The following LPCAT4 variants were observed in gnomAD, a reference collection of about 807,000 sequenced individuals.
LPCAT4 encodes lysophospholipid acyltransferase LPCAT4.
Under a neutral mutation model 66.5 loss-of-function variants are expected in LPCAT4, and 30 were observed. The observed-to-expected ratio is 0.45, with a 90% CI of 0.34 to 0.61. LPCAT4 has a LOEUF of 0.61. Ranked by LOEUF, LPCAT4 falls within the 20% of genes least tolerant of loss-of-function variation. The probability of loss-of-function intolerance (pLI) is 0.01; values close to 1 mark genes in which losing one functional copy is unlikely to be tolerated. For synonymous variants in LPCAT4, 253 were observed against 262.1 expected (o/e 0.97, Z 0.34); for missense variants, 557 against 656.7 (o/e 0.85, Z 1.66).
In LPCAT4 at chr15:34,361,428, A is replaced by G. The variant is rs1890939503; in HGVS notation, c.1115T>C (p.Val372Ala). ...CTGGAAGTAGCCAAAGGCACCAGCCACCGTCTGAGGATCAGAGAGCTGTAG... is the reference window on the plus strand; with the variant it reads ...CTGGAAGTAGCCAAAGGCACCAGCCGCCGTCTGAGGATCAGAGAGCTGTAG... The part of the protein sequence containing the change: ...RQLQLSDPQT[V>A]AGAFGYFQQD... The change falls in exon 11 of 14, where the codon GTG becomes GCG. Residue 372 changes from valine to alanine, a missense_variant. Val to Ala is a moderately conservative substitution (Grantham distance 64). Coordinates refer to ENST00000314891, the MANE Select transcript of LPCAT4 (RefSeq NM_153613.3). The G allele has an allele frequency of 1.9e-6, 3 of 1,614,180 alleles. No homozygotes were observed. The highest frequency in any genetic ancestry group is 2.5e-6 in the Non-Finnish European group (3 of 1,180,028).
At chr15:34,364,341 C>A in intron 3 of LPCAT4, 35 bp from the exon 4 acceptor site, 1 of 1,390,176 alleles carries the variant, frequency 7.2e-7, no homozygotes, top group Non-Finnish European at 1.0e-6. Context: ...GGAATCACTT[C>A]TTTCCTACCC....
intron 3 of LPCAT4, 148 bp from the exon 4 acceptor site, chr15:34,364,454 G>A (rs1049512843): frequency 1.2e-5 from 7 of 579,558 alleles, no homozygotes; most frequent in Admixed American, 6.4e-5. Flanking sequence ...ACAGAGTTTC[G>A]CTTTTGTTGC....
Position 34,363,996 on chromosome 15 carries a change from A to C in LPCAT4, c.652+17T>G. ...TTCTTTTTCCTACAGCCCACCACCC[A>C]CTATCATTTTATTCACCTGGTTTGA... On this transcript the variant is annotated intron_variant, in intron 5 of 13. Transcript: ENST00000314891. This position sits in a 1 kb window ranked among gnomAD's most constrained non-coding sequence, Gnocchi z 4.3. The C allele has an allele frequency of 6.2e-7, 1 of 1,607,964 alleles. No individual in the cohort carries two copies. Among genetic ancestry groups the C allele is most frequent in the South Asian group, 1.1e-5 (1 of 90,960 alleles).
intron 3 of LPCAT4, 69 bp from the exon 4 acceptor site, chr15:34,364,375 C>T (rs1595621390): frequency 5.7e-6 from 5 of 874,224 alleles, no homozygotes; most frequent in Non-Finnish European, 9.3e-6. Flanking sequence ...TCTGCAGCCT[C>T]CACTTCCTCA....
chr15:34,359,682 T>C lies in LPCAT4; in HGVS notation c.1306A>G (p.Ile436Val), dbSNP rs377518741. 9 of 1,613,672 alleles carry C rather than the reference T, an allele frequency of 5.6e-6. No individual in the cohort carries two copies. The African/African-American group carries it at 6.7e-5, about 12-fold the overall frequency. The change falls in exon 13 of 14, where the codon ATC becomes GTC. Residue 436 changes from isoleucine to valine, a missense_variant. By Grantham distance (29) the Ile-to-Val change is conservative. This residue lies in a region of LPCAT4 where 392 missense variants were observed against 473.9 expected (regional missense o/e 0.83). Transcript: ENST00000314891. ...GGTGAACCCAGCAGCAGGTGCAGGATGGTGCTGAAGCCGTCTTTGTACAGC... is the reference window on the plus strand; with the variant it reads ...GGTGAACCCAGCAGCAGGTGCAGGACGGTGCTGAAGCCGTCTTTGTACAGC... The part of the protein sequence containing the change: ...RLLYKDGFST[I>V]LHLLLGSPHP...
At chr15:34,364,426 C>A (rs116728880) in intron 3 of LPCAT4, 120 bp from the exon 4 acceptor site, 1 of 579,390 alleles carries the variant, frequency 1.7e-6, no homozygotes, top group African/African-American at 2.8e-5. Flanking sequence ...TTTTTTTTTT[C>A]TGTTGTTGTT....
chr15:34,365,776 AT>A (rs1891062778), intron 1 of LPCAT4, 75 bp from the exon 2 acceptor site: 1 of 1,540,918 alleles, frequency 6.5e-7, no homozygotes, highest in African/African-American at 1.4e-5. Context: ...TCCACAAAGC[AT>A]AGACCCAGGA....
rs772976691 is a variant in LPCAT4, at chr15:34,363,635, C to G, written c.711+26G>C. 1 of 1,613,542 alleles carries G rather than the reference C, an allele frequency of 6.2e-7. No individual in the cohort carries two copies. Among genetic ancestry groups the G allele is most frequent in the African/African-American group, 1.3e-5 (1 of 74,922 alleles). On this transcript the variant is annotated intron_variant, in intron 6 of 13. Coordinates refer to ENST00000314891, the MANE Select transcript of LPCAT4 (RefSeq NM_153613.3). This position sits in a 1 kb window ranked among gnomAD's most constrained non-coding sequence, Gnocchi z 4.3. ...TGGGGTGGATTTGTGCTCCCCCTTT[C>G]CACTCTTTCTTGGACTAAGACTCAC...
At chr15:34,359,947 C>G in intron 12 of LPCAT4, 164 bp downstream of exon 12, 3 of 802,132 alleles carry the variant, frequency 3.7e-6, no homozygotes, top group Non-Finnish European at 6.0e-6. Context: ...AGCTAGGTCT[C>G]AACATAGAGG....
At chr15:34,362,993 T>G (rs1595620213) in intron 7 of LPCAT4, 157 bp from the exon 8 acceptor site, 6 of 721,162 alleles carry the variant, frequency 8.3e-6, no homozygotes, top group Non-Finnish European at 1.4e-5. Context: ...GTCAGGTGGG[T>G]GAATATGCAG....
intron 1 of LPCAT4, among the ~76,000 whole-genome samples, chr15:34,366,507 G>T (rs1287985369): frequency 6.6e-6 from 1 of 152,008 alleles, no homozygotes; most frequent in African/African-American, 2.4e-5. Context: ...GTGGAGGGGG[G>T]TTGGAGGGAG....
intron 11 of LPCAT4, among the ~76,000 whole-genome samples, chr15:34,360,497 A>C (rs1436213407): frequency 6.6e-6 from 1 of 152,260 alleles, no homozygotes; most frequent in Non-Finnish European, 1.5e-5. Context: ...AGTCTCTGAC[A>C]TGCCAGCGGA....
intron 1 of LPCAT4, 59 bp from the exon 2 acceptor site, chr15:34,365,760 C>G (rs1891062313): frequency 3.2e-6 from 5 of 1,580,022 alleles, no homozygotes; most frequent in Non-Finnish European, 4.3e-6. Flanking sequence ...TCCACAGCAT[C>G]CTTCTTCCAC....
intron 10 of LPCAT4, among the ~76,000 whole-genome samples, chr15:34,361,819 C>A (rs1391438765): frequency 6.6e-6 from 1 of 152,194 alleles, no homozygotes; most frequent in East Asian, 1.9e-4. Flanking sequence ...CCTGCCTCAG[C>A]CTCCCAAGTA....
chr15:34,362,137 A>ATT, intron 10 of LPCAT4, 59 bp downstream of exon 10: 3 of 740,684 alleles, frequency 4.1e-6, no homozygotes, highest in Non-Finnish European at 3.8e-6. Flanking sequence ...TCCCCTTCTT[A>ATT]TTCTCTCTCT....
intron 13 of LPCAT4, 34 bp from the exon 14 acceptor site, chr15:34,359,336 A>C: frequency 6.8e-7 from 1 of 1,465,632 alleles, no homozygotes; most frequent in Non-Finnish European, 9.0e-7. Context: ...AAGTGAAAAG[A>C]TCTAAGAACG....
In LPCAT4 at chr15:34,359,229, G is replaced by A. The variant is rs1210401330; in HGVS notation, c.1473C>T (p.His491=). The A allele has an allele frequency of 3.8e-6, 6 of 1,583,832 alleles. No homozygotes were observed. Among genetic ancestry groups the A allele is most frequent in the African/African-American group, 1.3e-5 (1 of 74,484 alleles). ...GTGTCTGGGAGGTGCCTCGAGAGGT[G>A]TGTGGGGGGCGCAGGTAGGTGCTGA... ...KLFSTYLRPP[H]TSRGTSQTPN... Residue 491 remains histidine, a synonymous_variant, in exon 14 of 14, where the codon CAC becomes CAT. Transcript: ENST00000314891.
chr15:34,364,214 A>AGGT lies in LPCAT4; in HGVS notation c.568_570dup (p.Thr190dup). ...CCCACCTGCGGCCACTTGCCTCCTGAGGTGGCCCGCCTTCGGACCTCCTCC... is the reference window on the plus strand; with the variant it reads ...CCCACCTGCGGCCACTTGCCTCCTGAGGTGGTGGCCCGCCTTCGGACCTCCTCC... On this transcript the variant is annotated inframe_insertion, in exon 4 of 14. Transcript: ENST00000314891. 1 of 1,613,580 alleles carries AGGT rather than the reference A, an allele frequency of 6.2e-7. No homozygotes were observed. The highest frequency in any genetic ancestry group is 8.5e-7 in the Non-Finnish European group (1 of 1,179,498).
Position 34,367,101 on chromosome 15 carries a change from G to GGC in LPCAT4, c.-3_-2dup. 2 of 1,541,918 alleles carry GGC rather than the reference G, an allele frequency of 1.3e-6. No individual in the cohort carries two copies. Among genetic ancestry groups the GGC allele is most frequent in the Non-Finnish European group, 1.7e-6 (2 of 1,142,862 alleles). On this transcript the variant is annotated 5_prime_UTR_variant, in exon 1 of 14. Coordinates refer to ENST00000314891, the MANE Select transcript of LPCAT4 (RefSeq NM_153613.3). ...AGTCCCCCGGACTTCCCTGGCTCAT[G>GGC]GCGGGAGAAGGTGGGAGGGAGGGCA...
Sources: allele counts gnomAD v4.1 joint callset (sites outside exome capture counted in the v4.1 genomes callset), GRCh38; gene constraint gnomAD v4.1.1; regional missense constraint gnomAD v4.1.1; non-coding constraint Gnocchi (gnomAD v3.1); transcripts MANE v1.5; gene names NCBI Gene and HGNC (gene_info 2026-07-23, HGNC 2026-07-21).